Variants in PTPRJ observed in about 807,000 individuals in gnomAD.
The protein encoded by PTPRJ is receptor-type tyrosine-protein phosphatase eta.
In PTPRJ, 129 loss-of-function variants were observed where a neutral mutation model predicts 141.3. The observed-to-expected ratio is 0.91, with a 90% CI of 0.79 to 1.06. The LOEUF is 1.06. PTPRJ is among the 50% of genes least tolerant of loss of function. The pLI, the probability that PTPRJ is intolerant of heterozygous loss-of-function variation, is 0.00. For missense variants in PTPRJ, 1,601 were observed against 1,679.7 expected (o/e 0.95, Z 0.82); for synonymous variants, 610 against 640.5 (o/e 0.95, Z 0.72).
At chr11:48,117,540 CAAAAAAAAAAA>C (rs71045545) in intron 3 of PTPRJ, among the ~76,000 whole-genome samples, 2 of 19,672 alleles carry the variant, frequency 1.0e-4, no homozygotes, top group African/African-American at 2.4e-4. Flanking sequence ...GATTCTGTCT[CAAAAAAAAAAA>C]AAAAAAAAAA....
chr11:48,087,649 A>G, intron 1 of PTPRJ, among the ~76,000 whole-genome samples: 1 of 152,232 alleles, frequency 6.6e-6, no homozygotes. Flanking sequence ...AATCAGGGCT[A>G]GAAACCCATA....
At chr11:48,039,912 C>A (rs529757246) in intron 1 of PTPRJ, among the ~76,000 whole-genome samples, 1 of 152,270 alleles carries the variant, frequency 6.6e-6, no homozygotes, top group East Asian at 1.9e-4. Context: ...CCTCAGCCTC[C>A]CCATTAGCTG....
At chr11:48,082,489 C>T (rs975103189) in intron 1 of PTPRJ, among the ~76,000 whole-genome samples, 7 of 149,074 alleles carry the variant, frequency 4.7e-5, no homozygotes, top group Middle Eastern at 3.4e-3. Flanking sequence ...AGTCATGGCT[C>T]GCTGCAGCCT....
At chr11:48,018,155 A>G (rs1012286390) in intron 1 of PTPRJ, among the ~76,000 whole-genome samples, 3 of 151,680 alleles carry the variant, frequency 2.0e-5, no homozygotes, top group African/African-American at 7.3e-5. Flanking sequence ...TTAATGTTTT[A>G]GTATATTTCC....
At chr11:48,056,910 T>C (rs1334721858) in intron 1 of PTPRJ, among the ~76,000 whole-genome samples, 2 of 152,202 alleles carry the variant, frequency 1.3e-5, no homozygotes, top group East Asian at 1.9e-4. Context: ...GCCGAGATTG[T>C]GCTATAGCAC....
At chr11:48,087,182 A>G (rs1010706613) in intron 1 of PTPRJ, among the ~76,000 whole-genome samples, 2 of 152,188 alleles carry the variant, frequency 1.3e-5, no homozygotes, top group Admixed American at 6.5e-5. Flanking sequence ...TATGGTTGGA[A>G]ATGCATGTGG....
intron 1 of PTPRJ, among the ~76,000 whole-genome samples, chr11:48,085,710 A>C (rs1036186435): frequency 3.3e-5 from 5 of 152,216 alleles, no homozygotes; most frequent in African/African-American, 1.2e-4. Context: ...TTTTAAGAGC[A>C]TAAAGGAGAC....
At chr11:48,136,565 A>G (rs1056214724) in intron 9 of PTPRJ, among the ~76,000 whole-genome samples, 1 of 152,232 alleles carries the variant, frequency 6.6e-6, no homozygotes, top group Non-Finnish European at 1.5e-5. Flanking sequence ...GAGAATACAG[A>G]GTAGAGAAGG....
In PTPRJ at chr11:47,980,575, C is replaced by T. The variant is rs980849660; in HGVS notation, c.-338C>T. 1.3e-5 allele frequency: 13 copies of T among 982,828 alleles called. No individual in the cohort carries two copies. The highest frequency in any genetic ancestry group is 1.6e-5 in the Non-Finnish European group (13 of 828,980). The allele number at this position is 982,828 out of a possible 1,614,324, so 60.9% of individuals were successfully genotyped here. On this transcript the variant is annotated 5_prime_UTR_variant, in exon 1 of 25. In the 5' UTR this introduces an upstream ATG that the reference lacks. Coordinates refer to ENST00000418331, the MANE Select transcript of PTPRJ (RefSeq NM_002843.4). ...CCCTGCAGCAGCCCCAGCCGCATGA[C>T]GCGCGGAGGAGGCAGCGGGAGCAGC...
chr11:48,062,417 G>A (rs938926755), intron 1 of PTPRJ, among the ~76,000 whole-genome samples: 6 of 151,948 alleles, frequency 3.9e-5, no homozygotes, highest in Admixed American at 2.6e-4. Flanking sequence ...GGAGGCTGAG[G>A]CAGGAGAATG....
In PTPRJ at chr11:48,168,918, G is replaced by A. The variant is rs1857990204; in HGVS notation, c.*1556G>A. 6.6e-6 allele frequency: 1 copy of A among 152,032 alleles called. No homozygotes were observed. The highest frequency in any genetic ancestry group is 1.5e-5 in the Non-Finnish European group (1 of 67,994). The allele number at this position is 152,032 out of a possible 1,614,324, so 9.4% of individuals were successfully genotyped here. ...CTCCAATAGGCAATGAAGTTGACAA[G>A]GTTTTATGAAGGAATAACCAAGTCC... On this transcript the variant is annotated 3_prime_UTR_variant, in exon 25 of 25. Coordinates refer to ENST00000418331, the MANE Select transcript of PTPRJ (RefSeq NM_002843.4).
At chr11:48,047,626 C>A (rs542395194) in intron 1 of PTPRJ, among the ~76,000 whole-genome samples, 64 of 152,214 alleles carry the variant, frequency 4.2e-4, no homozygotes, top group African/African-American at 1.4e-3. Flanking sequence ...CCTCAGCCCC[C>A]CAAGTAGCTG....
chr11:48,109,933 AC>A (rs1856396111), intron 1 of PTPRJ, 124 bp from the exon 2 acceptor site: 1 of 1,050,974 alleles, frequency 9.5e-7, no homozygotes, highest in African/African-American at 1.6e-5. Flanking sequence ...TGACCAGCAG[AC>A]CTTTGCTTAA....
chr11:48,114,295 G>A (rs999171977), intron 3 of PTPRJ, among the ~76,000 whole-genome samples: 7 of 151,776 alleles, frequency 4.6e-5, no homozygotes, highest in South Asian at 2.1e-4. Flanking sequence ...AAAATTAGCC[G>A]GGTGTGGTCA....
chr11:48,060,966 A>G (rs1485313902), intron 1 of PTPRJ, among the ~76,000 whole-genome samples: 1 of 152,138 alleles, frequency 6.6e-6, no homozygotes, highest in Non-Finnish European at 1.5e-5. Flanking sequence ...GGCGGACACT[A>G]CTGGCTTCCT....
intron 1 of PTPRJ, among the ~76,000 whole-genome samples, chr11:48,067,190 A>T (rs1855109486): frequency 6.6e-6 from 1 of 152,140 alleles, no homozygotes; most frequent in Non-Finnish European, 1.5e-5. Context: ...CCTCCTGGAA[A>T]GGAGTCCCTT....
intron 1 of PTPRJ, among the ~76,000 whole-genome samples, chr11:48,020,635 G>A (rs1343514408): frequency 6.6e-6 from 1 of 152,194 alleles, no homozygotes; most frequent in East Asian, 1.9e-4. Context: ...TGGGTTAGCA[G>A]CTGAGCAGGT....
chr11:48,131,762 C>T lies in PTPRJ; in HGVS notation c.1615+1046C>T, dbSNP rs1325210442. The T allele has an allele frequency of 3.6e-5, 16 of 447,778 alleles. No individual in the cohort carries two copies. In the Admixed American group the frequency reaches 6.3e-4, roughly 17 times the overall value. The allele number at this position is 447,778 out of a possible 1,614,324, so 27.7% of individuals were successfully genotyped here. ...GCCATTACAGAGAATGTTTGCTGAC[C>T]TCTGGGCTAGATCAGTGGTTTTCAA... On this transcript the variant is annotated intron_variant, in intron 8 of 24. Transcript: ENST00000418331.
chr11:48,067,422 G>T (rs1855116351), intron 1 of PTPRJ, among the ~76,000 whole-genome samples: 1 of 152,204 alleles, frequency 6.6e-6, no homozygotes, highest in Non-Finnish European at 1.5e-5. Context: ...CCTGGAGATA[G>T]GATGTGCTTT....
Sources: allele counts gnomAD v4.1 joint callset (sites outside exome capture counted in the v4.1 genomes callset), GRCh38; gene constraint gnomAD v4.1.1; transcripts MANE v1.5; gene names NCBI Gene and HGNC (gene_info 2026-07-23, HGNC 2026-07-21).